Variants in NLRP9 observed in about 807,000 individuals in gnomAD.
NLRP9 encodes NACHT, LRR and PYD domains-containing protein 9.
Under a neutral mutation model 83.1 loss-of-function variants are expected in NLRP9, and 88 were observed. The observed-to-expected ratio is 1.06, with a 90% CI of 0.89 to 1.26. The LOEUF (loss-of-function observed/expected upper bound fraction) is 1.26, where lower values mean the gene tolerates loss of function less well. Among genes scored for constraint, NLRP9 ranks in the 50% most tolerant of loss-of-function variants. The pLI is 0.00. For synonymous variants in NLRP9, 521 were observed against 447.6 expected, an observed-to-expected ratio of 1.16 and a Z score of -2.07; for missense variants, 1,308 against 1,179.3, an observed-to-expected ratio of 1.11 and a Z score of -1.60.
At position 55,732,202 on chromosome 19, in the gene NLRP9, C is replaced by T; in HGVS notation, c.1629G>A (p.Gln543=). ...TTTCAAACAAACCAATGAATAGTTC[C>T]TGGAAAGCTATGGCTTCCCTATCAG... ...CEADREAIAF[Q]ELFIGLFETQ... The change falls in exon 2 of 9, where the codon CAG becomes CAA. Residue 543 remains glutamine, a synonymous_variant. Transcript: ENST00000332836. The T allele has an allele frequency of 6.2e-7, 1 of 1,613,656 alleles. No homozygotes were observed. The highest frequency in any genetic ancestry group is 1.3e-5 in the African/African-American group (1 of 75,032).
Position 55,732,750 on chromosome 19 carries a change from A to G in NLRP9, c.1081T>C (p.Ser361Pro), listed in dbSNP as rs758110364. ...LERGEDLEIN[S>P]QNTTYLYASF... ...GCATATAAATAGGTGGTGTTTTGGG[A>G]GTTTATTTCAAGGTCTTCTCCCCTC... is the stretch of plus-strand genomic sequence containing the variant. The change falls in exon 2 of 9, where the codon TCC becomes CCC. Residue 361 changes from serine (S) to proline (P), a missense_variant. Transcript: ENST00000332836. The G allele has an allele frequency of 6.2e-7, 1 of 1,614,128 alleles. No homozygotes were observed. Among genetic ancestry groups the G allele is most frequent in the Non-Finnish European group, 8.5e-7 (1 of 1,180,038 alleles).
In NLRP9 at chr19:55,726,023, C is replaced by T. The variant is rs144329349; in HGVS notation, c.1995-1879G>A. 4.7e-5 allele frequency among the ~76,000 whole-genome samples: 7 copies of T among 148,614 alleles called. No homozygotes were observed. In the East Asian group the frequency reaches 1.4e-3, roughly 29 times the overall value. The stretch of plus-strand genomic sequence containing the variant: ...CCTAGGGGACAGAGCGAGACTGTCT[C>T]AGAAAAAAAAAAAGAAAAACAGCAA... On this transcript the variant is annotated intron_variant, in intron 3 of 8. Transcript: ENST00000332836.
intron 3 of NLRP9, 90 bp from the exon 4 acceptor site, chr19:55,724,234 G>A (rs923865188): frequency 1.2e-5 from 10 of 831,922 alleles, no homozygotes; most frequent in Non-Finnish European, 1.8e-5. Flanking sequence ...TGCCCTGAAT[G>A]CTGGGCCTCA....
chr19:55,732,794 C>G lies in NLRP9; in HGVS notation c.1037G>C (p.Cys346Ser), dbSNP rs772983713. The G allele has an allele frequency of 4.3e-6, 7 of 1,614,068 alleles. No individual in the cohort carries two copies. Among genetic ancestry groups the G allele is most frequent in the Middle Eastern group, 1.6e-4 (1 of 6,084 alleles). The part of the protein sequence containing the change: ...NPFTCWLVCT[C>S]VKQRLERGED... ...TCCCCTCTCTAGCCTCTGTTTCACA[C>G]AAGTACAGACCAACCAGCACGTAAA... Residue 346 changes from cysteine (C) to serine (S), a missense_variant, in exon 2 of 9, where the codon TGT becomes TCT. Transcript: ENST00000332836.
intron 5 of NLRP9, among the ~76,000 whole-genome samples, chr19:55,715,700 G>T (rs1051145113): frequency 6.6e-6 from 1 of 151,856 alleles, no homozygotes. Flanking sequence ...AAAGAAAAGG[G>T]GATTAAAACT....
Position 55,738,387 on chromosome 19 carries a change from T to C in NLRP9, c.-13A>G, listed in dbSNP as rs907810619. 3 of 1,609,098 alleles carry C rather than the reference T, an allele frequency of 1.9e-6. No individual in the cohort carries two copies. The highest frequency in any genetic ancestry group is 2.5e-6 in the Non-Finnish European group (3 of 1,178,524). On this transcript the variant is annotated 5_prime_UTR_variant, in exon 1 of 9. Coordinates refer to ENST00000332836, the MANE Select transcript of NLRP9 (RefSeq NM_176820.4). Reference sequence around the variant, plus strand: ...AAGATTCTGCCATATCGCCCCAGGATTGTGAACTGAGGTGTCTCCAGAGGG... The same window carrying C: ...AAGATTCTGCCATATCGCCCCAGGACTGTGAACTGAGGTGTCTCCAGAGGG...
At chr19:55,713,387 T>A (rs1011649283) in intron 6 of NLRP9, among the ~76,000 whole-genome samples, 3 of 151,814 alleles carry the variant, frequency 2.0e-5, no homozygotes, top group Admixed American at 6.6e-5. Context: ...AGATACATGA[T>A]ACACATAGAT....
In NLRP9 at chr19:55,712,720, G is replaced by A. The variant is rs1047388863; in HGVS notation, c.2502-130C>T. The A allele has an allele frequency of 3.1e-5, 22 of 711,744 alleles. No homozygotes were observed. In the East Asian group the frequency reaches 5.8e-4, roughly 19 times the overall value. 44.1% of individuals were successfully genotyped at this position (711,744 alleles called of 1,614,324 possible). On this transcript the variant is annotated intron_variant, in intron 6 of 8. Coordinates refer to ENST00000332836, the MANE Select transcript of NLRP9 (RefSeq NM_176820.4). ...CTGAGATGATGAGGAGGGTGGGGAG[G>A]GGAAGGAGGAGAGAAGAATGAGGGA...
At chr19:55,724,802 C>T (rs756948100) in intron 3 of NLRP9, among the ~76,000 whole-genome samples, 5 of 152,060 alleles carry the variant, frequency 3.3e-5, no homozygotes, top group Non-Finnish European at 7.4e-5. Flanking sequence ...CATGGTGACT[C>T]ACACCTGTAA....
chr19:55,738,022 A>T, intron 1 of NLRP9, 73 bp downstream of exon 1: 2 of 1,395,678 alleles, frequency 1.4e-6, no homozygotes, highest in East Asian at 4.6e-5. Flanking sequence ...GGGGGTGGCC[A>T]CTCATTTAAC....
intron 3 of NLRP9, among the ~76,000 whole-genome samples, chr19:55,728,722 C>T (rs747046322): frequency 1.3e-4 from 20 of 152,284 alleles, no homozygotes; most frequent in East Asian, 1.9e-4. Flanking sequence ...AATAATTCAA[C>T]GCAATAACTC....
At position 55,732,555 on chromosome 19, in the gene NLRP9, C is replaced by T. The variant is rs751248353; in HGVS notation, c.1276G>A (p.Val426Met). The change falls in exon 2 of 9, where the codon GTG (valine) becomes ATG (methionine). Residue 426 changes from valine (V) to methionine (M), a missense_variant. Coordinates refer to ENST00000332836, the MANE Select transcript of NLRP9 (RefSeq NM_176820.4). ...AGGAGTCTCATACCCACCCACATCACGCCCTCAGACTCAGATAACCCATTC... is the reference window on the plus strand; with the variant it reads ...AGGAGTCTCATACCCACCCACATCATGCCCTCAGACTCAGATAACCCATTC... Reference protein sequence around the residue: ...RRNGLSESEGVMWVGMRLLQR... With the variant: ...RRNGLSESEGMMWVGMRLLQR... 7.4e-6 allele frequency: 12 copies of T among 1,614,064 alleles called. No homozygotes were observed. The highest frequency in any genetic ancestry group is 1.1e-5 in the South Asian group (1 of 91,080).
intron 4 of NLRP9, 52 bp downstream of exon 4, chr19:55,723,928 C>G: frequency 6.7e-7 from 1 of 1,494,216 alleles, no homozygotes; most frequent in Non-Finnish European, 9.2e-7. Flanking sequence ...AATCAAACTG[C>G]AAAGCCCACC....
chr19:55,730,933 AAAAG>A (rs1412656156), intron 2 of NLRP9, among the ~76,000 whole-genome samples: 5 of 152,294 alleles, frequency 3.3e-5, no homozygotes, highest in South Asian at 4.1e-4. Context: ...GAAATAAAAA[AAAAG>A]AAAGTGGATC....
chr19:55,723,467 C>G (rs1988294241), intron 4 of NLRP9, among the ~76,000 whole-genome samples: 1 of 152,124 alleles, frequency 6.6e-6, no homozygotes, highest in Non-Finnish European at 1.5e-5. Context: ...ATGTGAAGTA[C>G]TGTAATCCCA....
chr19:55,717,733 C>G (rs1425531964), intron 4 of NLRP9, among the ~76,000 whole-genome samples: 1 of 152,200 alleles, frequency 6.6e-6, no homozygotes, highest in Admixed American at 6.5e-5. Context: ...TGTCCTAAAA[C>G]TTAACCCAAT....
intron 2 of NLRP9, 40 bp downstream of exon 2, chr19:55,731,959 A>C: frequency 7.6e-7 from 1 of 1,323,380 alleles, no homozygotes; most frequent in Non-Finnish European, 1.0e-6. Context: ...GCAAACTCCA[A>C]GTGTAGTGTG....
At chr19:55,736,032 C>G (rs1430492575) in intron 1 of NLRP9, among the ~76,000 whole-genome samples, 1 of 151,908 alleles carries the variant, frequency 6.6e-6, no homozygotes, top group African/African-American at 2.4e-5. Context: ...TTATATTATT[C>G]ACTTTCTATA....
chr19:55,735,388 G>A (rs574222396), intron 1 of NLRP9, among the ~76,000 whole-genome samples: 239 of 152,260 alleles, frequency 1.6e-3, no homozygotes, highest in Admixed American at 3.9e-3. Context: ...AGGAGTTCAA[G>A]ACGAGCTTGG....
Sources: allele counts gnomAD v4.1 joint callset (sites outside exome capture counted in the v4.1 genomes callset), GRCh38; gene constraint gnomAD v4.1.1; transcripts MANE v1.5; gene names NCBI Gene and HGNC (gene_info 2026-07-23, HGNC 2026-07-21).